Variants in MLLT3 observed in about 807,000 individuals in gnomAD.
MLLT3 encodes the protein protein AF-9.
In MLLT3, 4 loss-of-function variants were observed where a neutral mutation model predicts 53.2. That is an observed-to-expected ratio of 0.08 (90% CI 0.04 to 0.17). The LOEUF (loss-of-function observed/expected upper bound fraction) is 0.17. MLLT3 is among the 10% of genes least tolerant of loss of function. MLLT3 has a pLI of 1.00. For missense variants in MLLT3, 569 were observed against 684.0 expected (o/e 0.83, Z 1.87); for synonymous variants, 283 against 230.6 (o/e 1.23, Z -2.06).
chr9:20,441,936 A>C (rs757208643), intron 4 of MLLT3, among the ~76,000 whole-genome samples: 6 of 152,162 alleles, frequency 3.9e-5, no homozygotes, highest in Non-Finnish European at 7.4e-5. Context: ...AATTTGTTAC[A>C]CATCGAAGAA....
chr9:20,346,399 A>AAAAAAAAAAAAAACAAAAC lies in MLLT3; in HGVS notation c.*43_*44insGTTTTGTTTTTTTTTTTTT. 1 of 1,449,900 alleles carries AAAAAAAAAAAAAACAAAAC rather than the reference A, an allele frequency of 6.9e-7. No individual in the cohort carries two copies. The highest frequency in any genetic ancestry group is 1.6e-5 in the South Asian group (1 of 62,284). The allele number at this position is 1,449,900 out of a possible 1,614,324, so 89.8% of individuals were successfully genotyped here. On this transcript the variant is annotated 3_prime_UTR_variant, in exon 11 of 11. Coordinates refer to ENST00000380338, the MANE Select transcript of MLLT3 (RefSeq NM_004529.4). ...ACAACCAAAAAAAAAAAAAACCAAA[A>AAAAAAAAAAAAAACAAAAC]AAAAAAAACACAATAGTTCTTGATG...
chr9:20,467,466 T>C (rs1229329151), intron 2 of MLLT3, among the ~76,000 whole-genome samples: 1 of 152,140 alleles, frequency 6.6e-6, no homozygotes, highest in Non-Finnish European at 1.5e-5. Flanking sequence ...TAGTCCCAGC[T>C]ACTCAGGAGG....
chr9:20,561,122 C>A (rs1587070431), intron 2 of MLLT3, among the ~76,000 whole-genome samples: 2 of 152,102 alleles, frequency 1.3e-5, no homozygotes, highest in African/African-American at 4.8e-5. Flanking sequence ...CCAGGTTACA[C>A]ATGCATGCAC....
At chr9:20,544,967 T>C (rs538628330) in intron 2 of MLLT3, among the ~76,000 whole-genome samples, 31 of 151,964 alleles carry the variant, frequency 2.0e-4, no homozygotes, top group Admixed American at 5.2e-4. Context: ...TCTGTAGTCC[T>C]AGCTACAGGC....
intron 5 of MLLT3, among the ~76,000 whole-genome samples, chr9:20,406,837 ATTATC>A (rs1822590338): frequency 6.6e-6 from 1 of 152,176 alleles, no homozygotes; most frequent in Non-Finnish European, 1.5e-5. Context: ...GCTTCTCCAT[ATTATC>A]CTGCTTAATA....
In MLLT3 at chr9:20,545,006, G is replaced by C. The variant is rs888990157; in HGVS notation, c.193+75648C>G. The stretch of plus-strand genomic sequence containing the variant: ...GCTATAGCTGAGGCTGAGGTAGAAG[G>C]GCCATTTGAACACAGGAGCTCGAGG... On this transcript the variant is annotated intron_variant, in intron 2 of 10. Transcript: ENST00000380338. Among the ~76,000 whole-genome samples, 7 of 144,850 alleles carry C rather than the reference G, an allele frequency of 4.8e-5. 1 individual carries two copies. The highest frequency in any genetic ancestry group is 4.5e-4 in the Admixed American group (6 of 13,392).
chr9:20,426,122 C>T (rs149599705), intron 4 of MLLT3, among the ~76,000 whole-genome samples: 252 of 152,160 alleles, frequency 1.7e-3, no homozygotes, highest in African/African-American at 5.6e-3. Context: ...TACTCCCTGA[C>T]TTGCTATGGC....
intron 2 of MLLT3, chr9:20,533,163 CT>C: frequency 3.4e-6 from 1 of 290,000 alleles, no homozygotes; most frequent in Non-Finnish European, 6.8e-6. Flanking sequence ...CCACCGTCAC[CT>C]TTACACAGGT....
chr9:20,462,445 A>C (rs771532855), intron 2 of MLLT3, among the ~76,000 whole-genome samples: 7 of 152,188 alleles, frequency 4.6e-5, no homozygotes, highest in Non-Finnish European at 1.0e-4. Context: ...CTTCCTATAC[A>C]ATAAGGAACT....
At chr9:20,394,976 G>A (rs977077319) in intron 5 of MLLT3, among the ~76,000 whole-genome samples, 1 of 152,104 alleles carries the variant, frequency 6.6e-6, no homozygotes, top group African/African-American at 2.4e-5. Context: ...AGAAGAGCAG[G>A]TGAAAGAAAG....
chr9:20,549,939 C>G (rs1465290525), intron 2 of MLLT3, among the ~76,000 whole-genome samples: 1 of 152,224 alleles, frequency 6.6e-6, no homozygotes, highest in Non-Finnish European at 1.5e-5. Context: ...CTACTCCCCT[C>G]TGCACCTCAA....
intron 2 of MLLT3, chr9:20,502,149 A>G (rs1353236356): frequency 6.5e-6 from 1 of 154,016 alleles, no homozygotes; most frequent in African/African-American, 2.4e-5. Context: ...GACAATAATA[A>G]AACGAAGAGT....
chr9:20,348,092 C>G (rs1015933076), intron 10 of MLLT3, among the ~76,000 whole-genome samples: 1 of 152,182 alleles, frequency 6.6e-6, no homozygotes, highest in Non-Finnish European at 1.5e-5. Context: ...CCAGATTGAG[C>G]TGTTATTGTC....
At chr9:20,483,792 C>T (rs552623696) in intron 2 of MLLT3, among the ~76,000 whole-genome samples, 2 of 149,710 alleles carry the variant, frequency 1.3e-5, no homozygotes, top group African/African-American at 4.9e-5. Flanking sequence ...ACTGCAAGGT[C>T]CGCCTCCCGA....
rs1432850376 is a variant in MLLT3 at position 20,413,926 on chromosome 9, A to G, written c.920T>C (p.Phe307Ser). The change falls in exon 5 of 11, where the codon TTT becomes TCT. Residue 307 changes from phenylalanine to serine, a missense_variant. By Grantham distance (155) the Phe-to-Ser change is radical. Coordinates refer to ENST00000380338, the MANE Select transcript of MLLT3 (RefSeq NM_004529.4). ...KRKKSSSEAL[F>S]KSFSSAPPLI... ...TGGTGGTGCGCTAGAAAAACTTTTA[A>G]ATAAAGCCTCTGAGCTACTCTTTTT... The G allele has an allele frequency of 1.2e-6, 2 of 1,613,500 alleles. No individual in the cohort carries two copies. Among genetic ancestry groups the G allele is most frequent in the South Asian group, 2.2e-5 (2 of 90,942 alleles).
intron 2 of MLLT3, among the ~76,000 whole-genome samples, chr9:20,582,757 A>G (rs1819829153): frequency 6.6e-6 from 1 of 152,184 alleles, no homozygotes; most frequent in Non-Finnish European, 1.5e-5. Flanking sequence ...TGTGAGACAT[A>G]CTATCGTGAG....
chr9:20,418,772 C>A (rs1822937622), intron 4 of MLLT3, among the ~76,000 whole-genome samples: 1 of 152,088 alleles, frequency 6.6e-6, no homozygotes, highest in Non-Finnish European at 1.5e-5. Flanking sequence ...GCACGTGCCA[C>A]CATACCCAGC....
At chr9:20,486,447 C>T (rs577275718) in intron 2 of MLLT3, among the ~76,000 whole-genome samples, 9 of 152,214 alleles carry the variant, frequency 5.9e-5, no homozygotes, top group African/African-American at 1.7e-4. Flanking sequence ...TACACTATCA[C>T]AAAAAGGCTA....
At chr9:20,540,189 C>A (rs542472218) in intron 2 of MLLT3, among the ~76,000 whole-genome samples, 2 of 152,244 alleles carry the variant, frequency 1.3e-5, no homozygotes, top group Non-Finnish European at 2.9e-5. Context: ...GCTGCTTTCA[C>A]GGGCTGGTGT....
Sources: allele counts gnomAD v4.1 joint callset (sites outside exome capture counted in the v4.1 genomes callset), GRCh38; gene constraint gnomAD v4.1.1; transcripts MANE v1.5; gene names NCBI Gene and HGNC (gene_info 2026-07-23, HGNC 2026-07-21).